MROH2A: variants seen among roughly 807,000 people sequenced by gnomAD.
The protein encoded by MROH2A is maestro heat like repeat family member 2A.
Under a neutral mutation model 200.4 loss-of-function variants are expected in MROH2A, and 174 were observed. That is an observed-to-expected ratio of 0.87 (90% CI 0.77 to 0.98). The LOEUF (loss-of-function observed/expected upper bound fraction) is 0.98, where lower values mean the gene tolerates loss of function less well. Ranked by LOEUF, MROH2A falls within the 50% of genes least tolerant of loss-of-function variation. The pLI is 0.00. For synonymous variants in MROH2A, 829 were observed against 840.4 expected (o/e 0.99, Z 0.23); for missense variants, 2,045 against 2,139.6 (o/e 0.96, Z 0.87).
intron 2 of MROH2A, 62 bp downstream of exon 2, chr2:233,779,514 C>A (rs1700830864): frequency 1.4e-6 from 2 of 1,411,352 alleles, no homozygotes; most frequent in East Asian, 2.5e-5. Flanking sequence ...TCTTTGACTG[C>A]AGCCCCAGCC....
chr2:233,811,805 C>T (rs753937186), intron 23 of MROH2A, 75 bp from the exon 24 acceptor site: 9 of 943,664 alleles, frequency 9.5e-6, no homozygotes, highest in Non-Finnish European at 1.3e-5. Flanking sequence ...GCCAGGTCTT[C>T]CTCATGCTAA....
chr2:233,807,440 C>A lies in MROH2A; in HGVS notation c.2070C>A (p.Ala690=). The A allele has an allele frequency of 6.4e-7, 1 of 1,550,564 alleles. No individual in the cohort carries two copies. The highest frequency in any genetic ancestry group is 1.2e-5 in the South Asian group (1 of 84,050). The change falls in exon 20 of 42, where the codon GCC becomes GCA. Residue 690 remains alanine (A), a synonymous_variant. Transcript: ENST00000389758. The surrounding 1 kb of genome is among the most constrained non-coding windows in gnomAD (Gnocchi z 4.3). ...PSLEKGFLYR[A]LGFTLATGLE... Reference sequence around the variant, plus strand: ...CTCTCCAGGGCTTTCTGTACCGGGCCTTGGGCTTCACCTTGGCCACAGGCC... The same window carrying A: ...CTCTCCAGGGCTTTCTGTACCGGGCATTGGGCTTCACCTTGGCCACAGGCC...
At chr2:233,777,175 A>G (rs1700733600), upstream of MROH2A, among the ~76,000 whole-genome samples, 1 of 152,202 alleles carries the variant, frequency 6.6e-6, no homozygotes, top group East Asian at 1.9e-4. Flanking sequence ...GTTACACAGC[A>G]ATTGCTGACA....
At chr2:233,779,283 T>C (rs1700816107) in intron 1 of MROH2A, 62 bp from the exon 2 acceptor site, 2 of 1,051,830 alleles carry the variant, frequency 1.9e-6, no homozygotes, top group Admixed American at 2.0e-5. Flanking sequence ...GTGTGGGTCG[T>C]TGGGGTCATC....
chr2:233,800,632 TG>T (rs1253050061), intron 14 of MROH2A, among the ~76,000 whole-genome samples: 3 of 2,078 alleles, frequency 1.4e-3, no homozygotes, highest in African/African-American at 5.3e-3. Context: ...TGTGTGTGTA[TG>T]TGTGTGTGTG....
chr2:233,829,506 A>G, intron 37 of MROH2A, 114 bp from the exon 38 acceptor site: 1 of 1,044,906 alleles, frequency 9.6e-7, no homozygotes, highest in Non-Finnish European at 1.3e-6. Context: ...CCCTGACGGA[A>G]TGATCCAGAA....
intron 21 of MROH2A, among the ~76,000 whole-genome samples, chr2:233,808,264 G>A (rs1030515624): frequency 6.6e-6 from 1 of 152,098 alleles, no homozygotes; most frequent in Non-Finnish European, 1.5e-5. Flanking sequence ...GTGGATGGAC[G>A]GTGCTGGGAT....
chr2:233,828,883 C>T lies in MROH2A; in HGVS notation c.4264-7C>T, dbSNP rs913919196. ...GTGCAGGCTGAGGGCTGCCCATGCCCCTCCAGGTGAAGCAGTACCGGAAGG... is the reference window on the plus strand; with the variant it reads ...GTGCAGGCTGAGGGCTGCCCATGCCTCTCCAGGTGAAGCAGTACCGGAAGG... On this transcript the variant is annotated splice_region_variant and splice_polypyrimidine_tract_variant and intron_variant, in intron 36 of 41. Coordinates refer to ENST00000389758, the MANE Select transcript of MROH2A (RefSeq NM_001394639.1). This position sits in a 1 kb window ranked among gnomAD's most constrained non-coding sequence, Gnocchi z 4.6. 6 of 1,550,410 alleles carry T rather than the reference C, an allele frequency of 3.9e-6. No homozygotes were observed. Among genetic ancestry groups the T allele is most frequent in the Non-Finnish European group, 4.4e-6 (5 of 1,146,958 alleles).
chr2:233,808,219 C>T (rs949261860), intron 21 of MROH2A, among the ~76,000 whole-genome samples: 1 of 152,158 alleles, frequency 6.6e-6, no homozygotes, highest in African/African-American at 2.4e-5. Flanking sequence ...TCAGGTAGTG[C>T]TCAGTGGGTG....
chr2:233,830,458 G>A (rs1425727540), intron 38 of MROH2A, among the ~76,000 whole-genome samples: 1 of 152,188 alleles, frequency 6.6e-6, no homozygotes, highest in African/African-American at 2.4e-5. Flanking sequence ...GCCTTGGGAC[G>A]CAGCTGGCCT....
At chr2:233,784,308 C>A (rs1051415052) in intron 3 of MROH2A, among the ~76,000 whole-genome samples, 1 of 152,006 alleles carries the variant, frequency 6.6e-6, no homozygotes, top group Non-Finnish European at 1.5e-5. Context: ...AGTGGTCATC[C>A]AGCAATATAT....
chr2:233,828,464 G>C lies in MROH2A; in HGVS notation c.4114-166G>C. The C allele has an allele frequency of 1.4e-6, 1 of 739,858 alleles. No homozygotes were observed. 45.8% of individuals were successfully genotyped at this position (739,858 alleles called of 1,614,324 possible). A position where few individuals can be genotyped will look rare whatever the true frequency, so the allele number is the denominator to read the frequency against. On this transcript the variant is annotated intron_variant, in intron 35 of 41. Transcript: ENST00000389758. The surrounding 1 kb of genome is among the most constrained non-coding windows in gnomAD (Gnocchi z 4.6). Reference sequence around the variant, plus strand: ...AATCCCCACACAGACCCTGAGGCAGGTACTAGCATCACCCGCTTTTTATAG... The same window carrying C: ...AATCCCCACACAGACCCTGAGGCAGCTACTAGCATCACCCGCTTTTTATAG...
chr2:233,788,994 A>G (rs1309923266), intron 3 of MROH2A, among the ~76,000 whole-genome samples: 1 of 150,194 alleles, frequency 6.7e-6, no homozygotes, highest in East Asian at 2.0e-4. Context: ...GCCTGATTAA[A>G]AGTATTCTCA....
At chr2:233,796,429 T>C (rs1702117190) in intron 11 of MROH2A, 116 bp downstream of exon 11, 1 of 686,192 alleles carries the variant, frequency 1.5e-6, no homozygotes, top group East Asian at 2.8e-5. Flanking sequence ...CACTACTGGG[T>C]GGGCCAAGAA....
Position 233,794,401 on chromosome 2 carries a change from C to T in MROH2A, c.861C>T (p.Leu287=), listed in dbSNP as rs538001247. The T allele has an allele frequency of 7.2e-5, 111 of 1,550,344 alleles. No homozygotes were observed. Among genetic ancestry groups the T allele is most frequent in the Admixed American group, 2.0e-4 (10 of 50,992 alleles). The stretch of plus-strand genomic sequence containing the variant: ...TGATCAAGTCCCTGAAGCCCATGCT[C>T]GGCCTCCTTCTGCCCAACGATGACC... ...LGVIKSLKPM[L]GLLLPNDDLR... is the part of the protein sequence containing the mutation. The change falls in exon 8 of 42, where the codon CTC becomes CTT. Residue 287 remains leucine, a synonymous_variant. Transcript: ENST00000389758.
intron 11 of MROH2A, among the ~76,000 whole-genome samples, chr2:233,797,487 C>T (rs530444702): frequency 2.0e-5 from 3 of 152,226 alleles, no homozygotes; most frequent in Admixed American, 6.5e-5. Context: ...GTAGTCAATC[C>T]ACTTTTTGTG....
In MROH2A at chr2:233,814,616, A is replaced by C; in HGVS notation, c.2795A>C (p.Gln932Pro). The change falls in exon 26 of 42, where the codon CAG becomes CCG. Residue 932 changes from glutamine to proline, a missense_variant. Gln to Pro is a moderately conservative substitution (Grantham distance 76). Coordinates refer to ENST00000389758, the MANE Select transcript of MROH2A (RefSeq NM_001394639.1). The stretch of plus-strand genomic sequence containing the variant: ...GCAAATGCCCTGAGCTCCCTGGAGC[A>C]GCTGATGGAGAGCCTCCTGCAGAGG... ...LYANALSSLE[Q>P]LMESLLQRQL... 6.4e-7 allele frequency: 1 copy of C among 1,550,486 alleles called. No homozygotes were observed. Among genetic ancestry groups the C allele is most frequent in the African/African-American group, 1.4e-5 (1 of 73,162 alleles).
intron 31 of MROH2A, 51 bp from the exon 32 acceptor site, chr2:233,822,071 TGC>T (rs1703974286): frequency 2.0e-6 from 3 of 1,512,886 alleles, no homozygotes; most frequent in Middle Eastern, 1.7e-4. Flanking sequence ...GATTCTTACC[TGC>T]CAGGGCACAT....
At chr2:233,809,401 C>A in intron 22 of MROH2A, 123 bp downstream of exon 22, 1 of 1,089,712 alleles carries the variant, frequency 9.2e-7, no homozygotes, top group South Asian at 1.6e-5. Context: ...ACCTGATGCC[C>A]AGCACGTGGG....
Sources: allele counts gnomAD v4.1 joint callset (sites outside exome capture counted in the v4.1 genomes callset), GRCh38; gene constraint gnomAD v4.1.1; non-coding constraint Gnocchi (gnomAD v3.1); transcripts MANE v1.5; gene names NCBI Gene and HGNC (gene_info 2026-07-23, HGNC 2026-07-21).